The following GRID1 variants were observed in gnomAD, a reference collection of about 807,000 sequenced individuals.
The protein encoded by GRID1 is glutamate ionotropic receptor delta type subunit 1, also known as glutamate receptor ionotropic, delta-1.
A neutral mutation model predicts 98.0 loss-of-function variants in GRID1; 28 were observed. That is an observed-to-expected ratio of 0.29 (90% confidence interval 0.21 to 0.39). The LOEUF (loss-of-function observed/expected upper bound fraction) is 0.39, where lower values mean the gene tolerates loss of function less well. Ranked by LOEUF, GRID1 falls within the 10% of genes least tolerant of loss-of-function variation. The pLI, the probability that GRID1 is intolerant of heterozygous loss-of-function variation, is 1.00. For synonymous variants in GRID1, 553 were observed against 538.5 expected, an observed-to-expected ratio of 1.03 and a Z score of -0.37; for missense variants, 1,111 against 1,340.5, an observed-to-expected ratio of 0.83 and a Z score of 2.67.
intron 2 of GRID1, chr10:86,264,815 C>T (rs991432911): frequency 2.3e-5 from 11 of 470,118 alleles, no homozygotes; most frequent in African/African-American, 1.8e-4. Flanking sequence ...GTGTCACCGC[C>T]GCCCCTTCCT....
intron 4 of GRID1, among the ~76,000 whole-genome samples, chr10:86,070,674 C>A (rs1843790547): frequency 6.6e-6 from 1 of 152,208 alleles, no homozygotes; most frequent in Non-Finnish European, 1.5e-5. Context: ...CCAGACACTT[C>A]TTCCTGGCCC....
intron 13 of GRID1, among the ~76,000 whole-genome samples, chr10:85,628,275 TATGTGAGG>T (rs1221518141): frequency 6.6e-6 from 1 of 151,930 alleles, no homozygotes; most frequent in East Asian, 1.9e-4. Flanking sequence ...TGTGTGAATG[TATGTGAGG>T]ATGTGAGAAT....
intron 8 of GRID1, among the ~76,000 whole-genome samples, chr10:85,788,203 C>T (rs1842447651): frequency 6.6e-6 from 1 of 152,026 alleles, no homozygotes; most frequent in African/African-American, 2.4e-5. Context: ...AGATGCTTGC[C>T]AGCCTTTTCC....
At position 85,954,310 on chromosome 10, in the gene GRID1, A is replaced by G. The variant is rs143111613; in HGVS notation, c.727-38071T>C. ...TTACCATCACTTCTACTATAAATCA[A>G]TGACTTCCAATTATTGTATCCAGCA... On this transcript the variant is annotated intron_variant, in intron 4 of 15. Coordinates refer to ENST00000327946, the MANE Select transcript of GRID1 (RefSeq NM_017551.3). Among the ~76,000 whole-genome samples, 59 of 152,298 alleles carry G rather than the reference A, an allele frequency of 3.9e-4. 1 individual carries two copies. In the Middle Eastern group the frequency reaches 0.024, roughly 61 times the overall value.
intron 8 of GRID1, among the ~76,000 whole-genome samples, chr10:85,836,567 T>A (rs1373896566): frequency 1.3e-5 from 2 of 152,168 alleles, no homozygotes; most frequent in Non-Finnish European, 2.9e-5. Context: ...ACACTTGAGA[T>A]AGCAGGGATA....
chr10:85,879,291 T>C (rs1840962404), intron 5 of GRID1, among the ~76,000 whole-genome samples: 1 of 151,886 alleles, frequency 6.6e-6, no homozygotes, highest in African/African-American at 2.4e-5. Flanking sequence ...TCTACAGAAC[T>C]CTCCACCCCA....
At chr10:85,992,519 G>C (rs1163048341) in intron 4 of GRID1, among the ~76,000 whole-genome samples, 1 of 151,762 alleles carries the variant, frequency 6.6e-6, no homozygotes, top group Non-Finnish European at 1.5e-5. Flanking sequence ...AGGTCACTGG[G>C]CATGAGCCAG....
chr10:86,062,385 C>A (rs1028241106), intron 4 of GRID1, among the ~76,000 whole-genome samples: 4 of 152,140 alleles, frequency 2.6e-5, no homozygotes, highest in African/African-American at 9.7e-5. Flanking sequence ...GCACCCGGAG[C>A]TCGGTCTGAC....
chr10:85,901,517 G>C (rs552191769), intron 5 of GRID1, among the ~76,000 whole-genome samples: 1 of 152,294 alleles, frequency 6.6e-6, no homozygotes, highest in African/African-American at 2.4e-5. Context: ...CAAAGAAGAA[G>C]AGCTATCTTT....
At chr10:85,896,372 A>G (rs1841294950) in intron 5 of GRID1, among the ~76,000 whole-genome samples, 1 of 152,212 alleles carries the variant, frequency 6.6e-6, no homozygotes, top group Non-Finnish European at 1.5e-5. Context: ...GCTGGTTCAA[A>G]GGCAGTACTG....
intron 2 of GRID1, among the ~76,000 whole-genome samples, chr10:86,357,257 T>A (rs917852875): frequency 6.6e-6 from 1 of 152,214 alleles, no homozygotes; most frequent in Non-Finnish European, 1.5e-5. Flanking sequence ...AGCTGAGATG[T>A]TGGACACAGA....
intron 2 of GRID1, among the ~76,000 whole-genome samples, chr10:86,219,372 C>T (rs1846219968): frequency 6.6e-6 from 1 of 152,238 alleles, no homozygotes; most frequent in Admixed American, 6.5e-5. Context: ...GCCCAATGGC[C>T]CTTAAACCAG....
At chr10:85,888,777 T>C (rs1298246207) in intron 5 of GRID1, among the ~76,000 whole-genome samples, 1 of 152,196 alleles carries the variant, frequency 6.6e-6, no homozygotes, top group East Asian at 1.9e-4. Flanking sequence ...TCTCTCACTC[T>C]TCCTCCCTCT....
At chr10:86,011,007 G>C (rs916976082) in intron 4 of GRID1, among the ~76,000 whole-genome samples, 1 of 152,110 alleles carries the variant, frequency 6.6e-6, no homozygotes, top group South Asian at 2.1e-4. Flanking sequence ...ATCTTTAAAG[G>C]ACAGGGTAGG....
Position 86,258,133 on chromosome 10 carries a change from A to G in GRID1, c.236-51485T>C, listed in dbSNP as rs564893262. ...AAAGTGCAGTAAATAGGTAAAGGAA[A>G]TAAAAATCCCTACAGTCCAGTTTCA... On this transcript the variant is annotated intron_variant, in intron 2 of 15. Coordinates refer to ENST00000327946, the MANE Select transcript of GRID1 (RefSeq NM_017551.3). 1.1e-3 allele frequency among the ~76,000 whole-genome samples: 160 copies of G among 152,360 alleles called. 5 individuals carry two copies. The South Asian group carries it at 0.032, about 31-fold the overall frequency.
At chr10:86,230,210 C>A (rs903724756) in intron 2 of GRID1, among the ~76,000 whole-genome samples, 5 of 152,216 alleles carry the variant, frequency 3.3e-5, no homozygotes, top group Non-Finnish European at 5.9e-5. Flanking sequence ...CCCTACAGTC[C>A]CGCCCCATCC....
intron 12 of GRID1, among the ~76,000 whole-genome samples, chr10:85,693,091 G>A (rs973665310): frequency 3.3e-5 from 5 of 152,102 alleles, no homozygotes; most frequent in Non-Finnish European, 7.4e-5. Flanking sequence ...GTGAAAAGAG[G>A]AGAGAAAAAG....
rs964320430 is a variant in GRID1, at chr10:85,788,991, C to T, written c.1234-59377G>A. ...TCTCTGCCCTCATTTTCTCTTTGCC[C>T]TAATTTCCCCCATTTCTTGATTAAG... On this transcript the variant is annotated intron_variant, in intron 8 of 15. Transcript: ENST00000327946. Among the ~76,000 whole-genome samples, 64 of 152,094 alleles carry T rather than the reference C, an allele frequency of 4.2e-4. 1 individual carries two copies. Among genetic ancestry groups the T allele is most frequent in the Admixed American group, 4.0e-3 (61 of 15,262 alleles).
Position 85,600,346 on chromosome 10 carries a change from A to G in GRID1, c.*1927T>C, listed in dbSNP as rs1179810738. 1.3e-5 allele frequency: 2 copies of G among 152,148 alleles called. No individual in the cohort carries two copies. Among genetic ancestry groups the G allele is most frequent in the African/African-American group, 4.8e-5 (2 of 41,424 alleles). The allele number at this position is 152,148 out of a possible 1,614,324, so 9.4% of individuals were successfully genotyped here. A position where few individuals can be genotyped will look rare whatever the true frequency, so the allele number is the denominator to read the frequency against. On this transcript the variant is annotated 3_prime_UTR_variant, in exon 16 of 16. Coordinates refer to ENST00000327946, the MANE Select transcript of GRID1 (RefSeq NM_017551.3). ...TTCTCAGCATCCAGCAATAAATAAC[A>G]TAATTATAAACACTCTCTTCCCCAC...
Sources: gnomAD v4.1 joint callset for allele counts (sites outside exome capture counted in the v4.1 genomes callset) on GRCh38, gnomAD v4.1.1 for gene constraint, MANE v1.5 for transcripts, NCBI Gene and HGNC (gene_info 2026-07-23, HGNC 2026-07-21) for gene names.